Variants in CAMTA1 observed in about 807,000 individuals in gnomAD.
CAMTA1 encodes calmodulin binding transcription activator 1, also known as calmodulin-binding transcription activator 1.
CAMTA1 carries 27 observed loss-of-function variants against 170.9 expected under a neutral mutation model. That is an observed-to-expected ratio of 0.16 (90% CI 0.12 to 0.22). The LOEUF is 0.22. Ranked by LOEUF, CAMTA1 falls within the 10% of genes least tolerant of loss-of-function variation. The pLI is 1.00. For synonymous variants in CAMTA1, 833 were observed against 891.5 expected (o/e 0.93, Z 1.17); for missense variants, 1,619 against 2,217.2 (o/e 0.73, Z 5.42).
chr1:7,117,810 G>A (rs900774365), intron 4 of CAMTA1, among the ~76,000 whole-genome samples: 3 of 152,148 alleles, frequency 2.0e-5, no homozygotes, highest in Non-Finnish European at 2.9e-5. Context: ...CCTGCTCCCT[G>A]GGGATGGCGG....
chr1:7,388,883 G>C (rs11120907), intron 5 of CAMTA1, among the ~76,000 whole-genome samples: 9,272 of 152,274 alleles, frequency 0.061, 958 homozygotes, highest in African/African-American at 0.21. Flanking sequence ...CCAGAGCCAG[G>C]GTGTGCCCAG....
At chr1:7,263,388 TTACACTTACTTTAACTGATATAA>T (rs1289381870) in intron 5 of CAMTA1, among the ~76,000 whole-genome samples, 1 of 152,244 alleles carries the variant, frequency 6.6e-6, no homozygotes, top group Non-Finnish European at 1.5e-5. Flanking sequence ...AGAGCAATTG[TTACACTTACTTTAACTGATATAA>T]TGCAAAGCAA....
intron 5 of CAMTA1, among the ~76,000 whole-genome samples, chr1:7,428,791 G>A (rs1333424979): frequency 1.3e-5 from 2 of 150,822 alleles, no homozygotes; most frequent in Non-Finnish European, 1.5e-5. Flanking sequence ...GTCTTGTATT[G>A]CGTGGCCTTT....
intron 3 of CAMTA1, among the ~76,000 whole-genome samples, chr1:7,012,696 C>T (rs1337324823): frequency 6.6e-6 from 1 of 152,102 alleles, no homozygotes; most frequent in Non-Finnish European, 1.5e-5. Context: ...CTCACACTGG[C>T]TTCCTTTCCT....
In CAMTA1 at chr1:7,342,325, C is replaced by T. The variant is rs114408207; in HGVS notation, c.438+92699C>T. 1.3e-3 allele frequency among the ~76,000 whole-genome samples: 203 copies of T among 152,278 alleles called. 1 individual carries two copies. Among genetic ancestry groups the T allele is most frequent in the African/African-American group, 4.7e-3 (194 of 41,568 alleles). On this transcript the variant is annotated intron_variant, in intron 5 of 22. Transcript: ENST00000303635. ...TGGATTGAGAGGCAGTCCCCCTCCA[C>T]CCTTTTAGCACTGACTCAGCTGGCG...
intron 6 of CAMTA1, among the ~76,000 whole-genome samples, chr1:7,596,896 A>G (rs1287615629): frequency 1.3e-5 from 2 of 150,450 alleles, no homozygotes; most frequent in African/African-American, 2.5e-5. Context: ...AAGATGACAG[A>G]CATGCAGTAA....
chr1:7,523,883 GA>G lies in CAMTA1; in HGVS notation c.510+55992del, dbSNP rs1012662759. Among the ~76,000 whole-genome samples the G allele has an allele frequency of 4.6e-4, 57 of 125,042 alleles. 1 individual carries two copies. The highest frequency in any genetic ancestry group is 1.5e-3 in the African/African-American group (48 of 33,020). 82.0% of individuals were successfully genotyped at this position (125,042 alleles called of 152,430 possible). The stretch of plus-strand genomic sequence containing the variant: ...GGACGACAGAGTGAGACTCTATCTC[GA>G]AAAAAAAAATAATAATAATAATAAT... On this transcript the variant is annotated intron_variant, in intron 6 of 22. Transcript: ENST00000303635.
intron 5 of CAMTA1, among the ~76,000 whole-genome samples, chr1:7,327,464 G>A (rs1173987206): frequency 1.3e-5 from 2 of 151,482 alleles, no homozygotes; most frequent in Non-Finnish European, 2.9e-5. Flanking sequence ...AGACAAGTAA[G>A]TAAAGATGTC....
intron 6 of CAMTA1, among the ~76,000 whole-genome samples, chr1:7,569,965 G>A (rs2095105887): frequency 6.6e-6 from 1 of 152,224 alleles, no homozygotes; most frequent in Non-Finnish European, 1.5e-5. Context: ...TAACTGCCCT[G>A]CCTAATCCTT....
chr1:7,331,678 A>G (rs971148634), intron 5 of CAMTA1, among the ~76,000 whole-genome samples: 7 of 152,124 alleles, frequency 4.6e-5, no homozygotes, highest in African/African-American at 1.7e-4. Flanking sequence ...GGCACCCCCT[A>G]GAGAGCTGAC....
chr1:6,902,077 A>AG (rs1553180469), intron 3 of CAMTA1, among the ~76,000 whole-genome samples: 1 of 70,874 alleles, frequency 1.4e-5, no homozygotes, highest in African/African-American at 3.5e-5. Context: ...ACACACAAAA[A>AG]AAAAAATAAA....
chr1:7,691,348 G>A (rs1329029784), intron 11 of CAMTA1, among the ~76,000 whole-genome samples: 1 of 152,212 alleles, frequency 6.6e-6, no homozygotes, highest in Admixed American at 6.5e-5. Context: ...AGCCAGGGCT[G>A]TGTGTGCCAG....
intron 5 of CAMTA1, among the ~76,000 whole-genome samples, chr1:7,317,639 G>T (rs994428311): frequency 1.3e-5 from 2 of 152,182 alleles, no homozygotes; most frequent in Non-Finnish European, 2.9e-5. Context: ...AGAGAAGATG[G>T]CACAGGCCTG....
chr1:7,357,316 G>C (rs2085195202), intron 5 of CAMTA1, among the ~76,000 whole-genome samples: 1 of 152,198 alleles, frequency 6.6e-6, no homozygotes, highest in South Asian at 2.1e-4. Flanking sequence ...CCCAAGCCTT[G>C]CCCTTTTTGG....
At chr1:7,410,379 G>A (rs1042557331) in intron 5 of CAMTA1, among the ~76,000 whole-genome samples, 5 of 152,322 alleles carry the variant, frequency 3.3e-5, no homozygotes, top group South Asian at 2.1e-4. Context: ...CACCTGGCTC[G>A]AGCCTCTGAA....
intron 3 of CAMTA1, among the ~76,000 whole-genome samples, chr1:7,015,616 A>G (rs957473042): frequency 2.6e-5 from 4 of 152,256 alleles, no homozygotes; most frequent in Non-Finnish European, 5.9e-5. Context: ...GCCACAAGTA[A>G]GGGACAGGGC....
At chr1:7,433,067 C>G (rs1251984874) in intron 5 of CAMTA1, among the ~76,000 whole-genome samples, 1 of 152,244 alleles carries the variant, frequency 6.6e-6, no homozygotes, top group Admixed American at 6.5e-5. Context: ...GGCCCCCAGT[C>G]CCCATGGCTG....
At chr1:7,745,073 T>G (rs757318778) in intron 17 of CAMTA1, 51 bp downstream of exon 17, 10 of 1,511,038 alleles carry the variant, frequency 6.6e-6, no homozygotes, top group Non-Finnish European at 9.0e-6. Flanking sequence ...CGGATGTAAT[T>G]GGAGGCAGGG....
chr1:7,676,096 C>T (rs1401963845), intron 10 of CAMTA1, among the ~76,000 whole-genome samples: 2 of 152,342 alleles, frequency 1.3e-5, no homozygotes, highest in East Asian at 1.9e-4. Context: ...CAGCCCTGAG[C>T]GGGCTCCGAT....
Sources: allele counts gnomAD v4.1 joint callset (sites outside exome capture counted in the v4.1 genomes callset), GRCh38; gene constraint gnomAD v4.1.1; transcripts MANE v1.5; gene names NCBI Gene and HGNC (gene_info 2026-07-23, HGNC 2026-07-21).